Variants in GLYATL2 observed in about 807,000 individuals in gnomAD.
GLYATL2 encodes the protein glycine-N-acyltransferase like 2.
Under a neutral mutation model 21.4 loss-of-function variants are expected in GLYATL2, and 25 were observed. The ratio of observed to expected loss-of-function variants is 1.17; its 90% CI spans 0.85 to 1.63. The LOEUF (loss-of-function observed/expected upper bound fraction) is 1.63. GLYATL2 is among the 40% of genes most tolerant of loss of function. The probability of loss-of-function intolerance (pLI) is 0.00; values close to 1 mark genes in which losing one functional copy is unlikely to be tolerated. For missense variants in GLYATL2, 361 were observed against 343.3 expected, an observed-to-expected ratio of 1.05 and a Z score of -0.41; for synonymous variants, 114 against 118.2, an observed-to-expected ratio of 0.96 and a Z score of 0.23.
At chr11:58,877,092 G>T (rs913401414) in intron 1 of GLYATL2, among the ~76,000 whole-genome samples, 1 of 152,242 alleles carries the variant, frequency 6.6e-6, no homozygotes, top group Non-Finnish European at 1.5e-5. Context: ...TGTGCCTTGT[G>T]CAGGATATAA....
rs200152129 is a variant in GLYATL2 at position 58,834,728 on chromosome 11, G to T, written c.586C>A (p.Leu196Ile). 10 of 1,613,854 alleles carry T rather than the reference G, an allele frequency of 6.2e-6. No individual in the cohort carries two copies. The highest frequency in any genetic ancestry group is 2.2e-5 in the East Asian group (1 of 44,874). ...ACACCAAATCCTAGAAAATCCTGGA[G>T]GCAGCGTTCAATATATTTCAAGCTC... ...ERSLKYIERCLQDFLGFGVLG... is the reference protein window; with the variant it reads ...ERSLKYIERCIQDFLGFGVLG... The change falls in exon 6 of 6, where the codon CTC becomes ATC. Residue 196 changes from leucine (L) to isoleucine (I), a missense_variant. Physicochemically the swap from Leu to Ile is conservative, Grantham distance 5. Transcript: ENST00000287275.
intron 1 of GLYATL2, among the ~76,000 whole-genome samples, chr11:58,862,486 T>G (rs1019688187): frequency 1.3e-5 from 2 of 152,200 alleles, no homozygotes; most frequent in African/African-American, 4.8e-5. Context: ...ATAGGATTTA[T>G]TCACTTTTTC....
At chr11:58,880,162 G>GT (rs1365604356) in intron 1 of GLYATL2, among the ~76,000 whole-genome samples, 1 of 152,154 alleles carries the variant, frequency 6.6e-6, no homozygotes, top group Non-Finnish European at 1.5e-5. Flanking sequence ...CCGGCCAACA[G>GT]TTTCTTAAAG....
At chr11:58,845,594 T>C (rs906519521), upstream of GLYATL2, among the ~76,000 whole-genome samples, 1 of 152,096 alleles carries the variant, frequency 6.6e-6, no homozygotes, top group African/African-American at 2.4e-5. Flanking sequence ...GGTGAGATAC[T>C]ATCTCTAATT....
At chr11:58,854,090 A>G (rs1390414384) in intron 1 of GLYATL2, among the ~76,000 whole-genome samples, 3 of 152,198 alleles carry the variant, frequency 2.0e-5, no homozygotes, top group Non-Finnish European at 4.4e-5. Context: ...TTTACTTAAC[A>G]TAATGTACTC....
intron 1 of GLYATL2, among the ~76,000 whole-genome samples, chr11:58,870,386 CT>C (rs1415631880): frequency 6.6e-6 from 1 of 152,164 alleles, no homozygotes; most frequent in African/African-American, 2.4e-5. Context: ...TGACTGGAGT[CT>C]AAGTCATGGA....
chr11:58,877,493 A>C (rs1854258297), intron 1 of GLYATL2, among the ~76,000 whole-genome samples: 1 of 152,200 alleles, frequency 6.6e-6, no homozygotes, highest in Admixed American at 6.5e-5. Flanking sequence ...TACAAATGAG[A>C]GCCAATGATT....
At chr11:58,904,971 G>A (rs1854827183), upstream of GLYATL2, among the ~76,000 whole-genome samples, 1 of 152,202 alleles carries the variant, frequency 6.6e-6, no homozygotes. Context: ...TAGACAGTAA[G>A]ACGTTCTGTT....
At chr11:58,874,639 C>G (rs1010828434) in intron 1 of GLYATL2, among the ~76,000 whole-genome samples, 4 of 152,214 alleles carry the variant, frequency 2.6e-5, no homozygotes, top group Admixed American at 2.6e-4. Flanking sequence ...TTTGATTGCA[C>G]TGTGGTCTGA....
rs1273833331 is a variant in GLYATL2, at chr11:58,837,098, G to C, written c.393C>G (p.Ile131Met). The change falls in exon 5 of 6, where the codon ATC becomes ATG. Residue 131 changes from isoleucine to methionine, a missense_variant. Transcript: ENST00000287275. ...TCTTTGGTAATTCCGGTATAAAGAGGATGGTTTTCATGTAATCTACCTGCA... is the reference window on the plus strand; with the variant it reads ...TCTTTGGTAATTCCGGTATAAAGAGCATGGTTTTCATGTAATCTACCTGCA... ...KSVQVDYMKT[I>M]LFIPELPKKH... The C allele has an allele frequency of 1.1e-5, 18 of 1,613,698 alleles. No individual in the cohort carries two copies. Among genetic ancestry groups the C allele is most frequent in the Admixed American group, 3.3e-5 (2 of 59,980 alleles).
chr11:58,905,750 G>C, upstream of GLYATL2: 1 of 348,928 alleles, frequency 2.9e-6, no homozygotes, highest in Non-Finnish European at 5.7e-6. Flanking sequence ...GGGAGGGTGG[G>C]CGGGTGGGCG....
intron 1 of GLYATL2, among the ~76,000 whole-genome samples, chr11:58,871,176 A>G (rs562437751): frequency 7.2e-5 from 11 of 152,250 alleles, no homozygotes; most frequent in Non-Finnish European, 1.5e-4. Context: ...CAGATGTCAA[A>G]CAGGCCATTA....
chr11:58,842,749 T>C lies in GLYATL2; in HGVS notation c.-41+1685A>G, dbSNP rs562105717. 3.9e-5 allele frequency among the ~76,000 whole-genome samples: 6 copies of C among 152,232 alleles called. No individual in the cohort carries two copies. In the South Asian group the frequency reaches 1.0e-3, roughly 26 times the overall value. The stretch of plus-strand genomic sequence containing the variant: ...AACAATGCTGTGCCAAAGGACTCAG[T>C]GAGGCCACCATATTTGTGATTGAAT... On this transcript the variant is annotated intron_variant, in intron 1 of 5. Coordinates refer to ENST00000287275, the MANE Select transcript of GLYATL2 (RefSeq NM_145016.4).
At chr11:58,869,437 G>A (rs1854077843) in intron 1 of GLYATL2, among the ~76,000 whole-genome samples, 1 of 152,132 alleles carries the variant, frequency 6.6e-6, no homozygotes, top group South Asian at 2.1e-4. Context: ...AAACTGCCAT[G>A]GAAACTGCTT....
chr11:58,845,391 A>G (rs4939229), upstream of GLYATL2, among the ~76,000 whole-genome samples: 39,946 of 152,048 alleles, frequency 0.26, 5,725 homozygotes, highest in East Asian at 0.5. Flanking sequence ...GCTTGAGGGC[A>G]AAAACTTGAT....
chr11:58,881,157 A>C (rs1260082862), intron 1 of GLYATL2, among the ~76,000 whole-genome samples: 2 of 152,222 alleles, frequency 1.3e-5, no homozygotes, highest in Non-Finnish European at 2.9e-5. Flanking sequence ...TTCTTACTTC[A>C]TGCCAGGTAT....
intron 1 of GLYATL2, among the ~76,000 whole-genome samples, chr11:58,896,114 G>A (rs1046044186): frequency 1.5e-4 from 23 of 152,044 alleles, no homozygotes; most frequent in East Asian, 5.8e-4. Context: ...CGCGGCCTCC[G>A]AAAGTGCGAG....
In GLYATL2 at chr11:58,890,798, T is replaced by C. The variant is rs544177561; in HGVS notation, n.60+13358A>G. Among the ~76,000 whole-genome samples, 42 of 152,096 alleles carry C rather than the reference T, an allele frequency of 2.8e-4. 1 individual carries two copies. The South Asian group carries it at 8.5e-3, about 31-fold the overall frequency. ...TGTGCTTATTTTTTTATTTTTGCTT[T>C]TTCCTTTTTCTCTTGTATTTCCTTA... is the stretch of plus-strand genomic sequence containing the variant. On this transcript the variant is annotated intron_variant and non_coding_transcript_variant, in intron 1 of 4. Transcript: ENST00000533636.
intron 1 of GLYATL2, among the ~76,000 whole-genome samples, chr11:58,863,600 G>C (rs2134596526): frequency 6.6e-6 from 1 of 152,296 alleles, no homozygotes; most frequent in East Asian, 1.9e-4. Flanking sequence ...GCTGGGATGG[G>C]GTGGGGCCAG....
Sources: gnomAD v4.1 joint callset for allele counts (sites outside exome capture counted in the v4.1 genomes callset) on GRCh38, gnomAD v4.1.1 for gene constraint, MANE v1.5 for transcripts, NCBI Gene and HGNC (gene_info 2026-07-23, HGNC 2026-07-21) for gene names.